Variants in MRTFB observed in about 807,000 individuals in gnomAD.
MRTFB encodes the protein myocardin-related transcription factor B.
In MRTFB, 29 loss-of-function variants were observed where a neutral mutation model predicts 104.2. The ratio of observed to expected loss-of-function variants is 0.28; its 90% CI spans 0.21 to 0.38. The LOEUF (loss-of-function observed/expected upper bound fraction) is 0.38. Among genes scored for constraint, MRTFB ranks in the 10% least tolerant of loss-of-function variants. MRTFB has a pLI of 1.00. For missense variants in MRTFB, 1,270 were observed against 1,341.6 expected (o/e 0.95, Z 0.83); for synonymous variants, 535 against 519.5 (o/e 1.03, Z -0.41).
At chr16:14,116,988 TAGAC>T (rs1228347421) in intron 2 of MRTFB, among the ~76,000 whole-genome samples, 8 of 152,224 alleles carry the variant, frequency 5.3e-5, no homozygotes, top group African/African-American at 1.9e-4. Flanking sequence ...AAGGGATGGA[TAGAC>T]AGATGAAGAG....
chr16:14,039,968 G>T, the MRTFB span, among the ~76,000 whole-genome samples: 1 of 151,976 alleles, frequency 6.6e-6, no homozygotes, highest in African/African-American at 2.4e-5. Flanking sequence ...GGCTGGTCTT[G>T]AACTCCCAAC....
the MRTFB span, among the ~76,000 whole-genome samples, chr16:13,995,145 T>C: frequency 6.6e-6 from 1 of 152,200 alleles, no homozygotes; most frequent in Non-Finnish European, 1.5e-5. Context: ...GATCTTCGGA[T>C]AAAAAGAGAC....
chr16:14,237,115 G>C (rs572766878), intron 9 of MRTFB, among the ~76,000 whole-genome samples: 1 of 152,318 alleles, frequency 6.6e-6, no homozygotes, highest in South Asian at 2.1e-4. Context: ...CTGGATAGAT[G>C]AGTGCAGACC....
the MRTFB span, among the ~76,000 whole-genome samples, chr16:14,026,882 TAA>T: frequency 6.6e-6 from 1 of 151,818 alleles, no homozygotes; most frequent in East Asian, 1.9e-4. Context: ...ATGGCTCAAA[TAA>T]AAAAAAATTG....
chr16:14,099,139 A>C (rs1276251350), intron 2 of MRTFB, among the ~76,000 whole-genome samples: 4 of 152,182 alleles, frequency 2.6e-5, no homozygotes, highest in Non-Finnish European at 5.9e-5. Flanking sequence ...TGACTGAGAT[A>C]TTGATAGTCA....
At chr16:14,240,791 G>T (rs748524909) in intron 10 of MRTFB, 3 of 757,110 alleles carry the variant, frequency 4.0e-6, no homozygotes, top group Non-Finnish European at 7.2e-6. Context: ...TCTGAGAAAA[G>T]CGTAAGTAGT....
intron 3 of MRTFB, among the ~76,000 whole-genome samples, chr16:14,154,982 G>A (rs188737965): frequency 6.6e-6 from 1 of 152,258 alleles, no homozygotes; most frequent in Non-Finnish European, 1.5e-5. Flanking sequence ...CTAAGGGAGA[G>A]GATTATACAA....
chr16:14,163,946 T>TTA (rs1195060704), intron 3 of MRTFB, among the ~76,000 whole-genome samples: 2 of 152,202 alleles, frequency 1.3e-5, no homozygotes, highest in Non-Finnish European at 2.9e-5. Flanking sequence ...TTGTACATAT[T>TTA]TATGGGAGTG....
chr16:14,212,338 A>G lies in MRTFB; in HGVS notation c.221-16A>G, dbSNP rs1429840984. Reference sequence around the variant, plus strand: ...GAACTCTATTTATACTGTGGAAACCATTTCTTTTCTCACAGCTTTGAAGAG... The same window carrying G: ...GAACTCTATTTATACTGTGGAAACCGTTTCTTTTCTCACAGCTTTGAAGAG... On this transcript the variant is annotated splice_polypyrimidine_tract_variant and intron_variant, in intron 4 of 16. Transcript: ENST00000571589. 1 of 1,613,580 alleles carries G rather than the reference A, an allele frequency of 6.2e-7. No individual in the cohort carries two copies. The highest frequency in any genetic ancestry group is 8.5e-7 in the Non-Finnish European group (1 of 1,179,566).
At chr16:14,049,680 A>G in the MRTFB span, among the ~76,000 whole-genome samples, 1 of 152,228 alleles carries the variant, frequency 6.6e-6, no homozygotes, top group Non-Finnish European at 1.5e-5. Flanking sequence ...TGAATTTGGT[A>G]ACTACAGTGC....
intron 8 of MRTFB, among the ~76,000 whole-genome samples, chr16:14,230,908 A>G (rs1463557889): frequency 1.3e-5 from 2 of 151,326 alleles, no homozygotes; most frequent in Non-Finnish European, 2.9e-5. Flanking sequence ...GATAGACTGG[A>G]TTAAGAAAAT....
the MRTFB span, among the ~76,000 whole-genome samples, chr16:14,017,569 C>T: frequency 4.6e-5 from 5 of 107,940 alleles, no homozygotes; most frequent in African/African-American, 1.4e-4. Context: ...TCCCTTGCAA[C>T]GAAAAGAGAA....
chr16:14,144,647 A>G (rs946549026), intron 3 of MRTFB: 1 of 152,122 alleles, frequency 6.6e-6, no homozygotes, highest in African/African-American at 2.4e-5. Flanking sequence ...AAAAAAGTAC[A>G]TGATAAATAT....
At chr16:13,996,551 G>C in the MRTFB span, among the ~76,000 whole-genome samples, 1 of 152,358 alleles carries the variant, frequency 6.6e-6, no homozygotes, top group Admixed American at 6.5e-5. Flanking sequence ...GTTAGGCACA[G>C]GACTGGGTGA....
At chr16:14,128,416 G>A (rs1181118356) in intron 2 of MRTFB, among the ~76,000 whole-genome samples, 1 of 152,140 alleles carries the variant, frequency 6.6e-6, no homozygotes, top group Non-Finnish European at 1.5e-5. Context: ...TGAAATAACC[G>A]TTACTTTGAT....
intron 9 of MRTFB, among the ~76,000 whole-genome samples, chr16:14,235,604 A>T (rs1218956593): frequency 6.6e-6 from 1 of 152,214 alleles, no homozygotes; most frequent in Non-Finnish European, 1.5e-5. Context: ...ATGCCAAGAG[A>T]GGAGGGGACA....
chr16:14,251,837 A>C (rs372447349), intron 13 of MRTFB, 25 bp from the exon 14 acceptor site: 1 of 1,608,358 alleles, frequency 6.2e-7, no homozygotes, highest in Non-Finnish European at 8.5e-7. Context: ...GAACAAATTA[A>C]TGGAGAAACA....
In MRTFB at chr16:14,247,481, C is replaced by A. The variant is rs1320001711; in HGVS notation, c.2221C>A (p.Leu741Ile). Residue 741 changes from leucine (L) to isoleucine (I), a missense_variant, in exon 12 of 17, where the codon CTC becomes ATC. Physicochemically the swap from Leu to Ile is conservative, Grantham distance 5. Coordinates refer to ENST00000571589, the MANE Select transcript of MRTFB (RefSeq NM_001308142.2). ...GGGCTCGAGTGTCACCTCAGTGCAACTCCCTGTAGGCAGCCTCAAACTCCA... is the reference window on the plus strand; with the variant it reads ...GGGCTCGAGTGTCACCTCAGTGCAAATCCCTGTAGGCAGCCTCAAACTCCA... ...IQGSSVTSVQ[L>I]PVGSLKLQTS... The A allele has an allele frequency of 1.3e-6, 2 of 1,572,120 alleles. No homozygotes were observed. The highest frequency in any genetic ancestry group is 2.3e-5 in the East Asian group (1 of 43,500).
At chr16:14,251,839 GGA>G in intron 13 of MRTFB, 21 bp from the exon 14 acceptor site, 1 of 1,608,700 alleles carries the variant, frequency 6.2e-7, no homozygotes, top group South Asian at 1.1e-5. Flanking sequence ...ACAAATTAAT[GGA>G]GAAACATTTA....
Sources: allele counts gnomAD v4.1 joint callset (sites outside exome capture counted in the v4.1 genomes callset), GRCh38; gene constraint gnomAD v4.1.1; transcripts MANE v1.5; gene names NCBI Gene and HGNC (gene_info 2026-07-23, HGNC 2026-07-21).